Variants in MGST1 observed in about 807,000 individuals in gnomAD.
MGST1 encodes microsomal glutathione S-transferase 1.
A neutral mutation model predicts 8.9 loss-of-function variants in MGST1; 5 were observed. The observed-to-expected ratio is 0.56, with a 90% CI of 0.29 to 1.19. MGST1 has a LOEUF of 1.19. Among genes scored for constraint, MGST1 ranks in the 50% most tolerant of loss-of-function variants. The probability of loss-of-function intolerance (pLI) is 0.08; values close to 1 mark genes in which losing one functional copy is unlikely to be tolerated. For missense variants in MGST1, 182 were observed against 187.4 expected, an observed-to-expected ratio of 0.97 and a Z score of 0.17; for synonymous variants, 54 against 67.8, an observed-to-expected ratio of 0.80 and a Z score of 1.00.
chr12:16,521,866 G>T (rs1305724327), intron 4 of MGST1, among the ~76,000 whole-genome samples: 1 of 152,012 alleles, frequency 6.6e-6, no homozygotes, highest in East Asian at 1.9e-4. Flanking sequence ...TCCCTAACAA[G>T]GTGAGTGAAA....
chr12:16,404,408 GT>G (rs1940683315), intron 1 of MGST1, among the ~76,000 whole-genome samples: 4 of 151,866 alleles, frequency 2.6e-5, no homozygotes, highest in Non-Finnish European at 5.9e-5. Context: ...GTCTTTTACA[GT>G]GCATTTAGTT....
intron 1 of MGST1, among the ~76,000 whole-genome samples, chr12:16,384,823 T>C (rs1181209794): frequency 1.3e-5 from 2 of 152,210 alleles, no homozygotes; most frequent in East Asian, 1.9e-4. Flanking sequence ...TGACGTACTT[T>C]TGTACGCAGC....
At chr12:16,403,413 C>A (rs947159587) in intron 1 of MGST1, among the ~76,000 whole-genome samples, 2 of 151,834 alleles carry the variant, frequency 1.3e-5, no homozygotes, top group African/African-American at 4.8e-5. Context: ...TCTTTACTGA[C>A]CATTGTATAG....
At chr12:16,425,018 C>T (rs1176819500) in intron 1 of MGST1, among the ~76,000 whole-genome samples, 2 of 152,158 alleles carry the variant, frequency 1.3e-5, no homozygotes, top group Non-Finnish European at 2.9e-5. Context: ...ATGTGTTTTA[C>T]ACAACCATCT....
chr12:16,561,845 C>A lies in MGST1; in HGVS notation n.483-27683C>A, dbSNP rs573896792. 7.2e-5 allele frequency among the ~76,000 whole-genome samples: 11 copies of A among 152,228 alleles called. No individual in the cohort carries two copies. The South Asian group carries it at 2.1e-3, about 29-fold the overall frequency. On this transcript the variant is annotated intron_variant and non_coding_transcript_variant, in intron 4 of 4. Coordinates refer to the MGST1 transcript ENST00000538857. ...TGGATTGTCTCTTGAAGAGCATAAG[C>A]GCCTTGAAGGTAGAAACAATAAATG...
At chr12:16,355,841 T>C (rs1565434643) in intron 2 of MGST1, among the ~76,000 whole-genome samples, 2 of 152,128 alleles carry the variant, frequency 1.3e-5, no homozygotes, top group South Asian at 4.1e-4. Context: ...CTGAGTCCCT[T>C]TGGGCTGCTC....
In MGST1 at chr12:16,558,950, GT is replaced by G. The variant is rs1230027865; in HGVS notation, n.483-30577del. ...TGGGAATCAAATTCAGAGAGATTAA[GT>G]AACATACTCAAGATCACACAGCTAA... On this transcript the variant is annotated intron_variant and non_coding_transcript_variant, in intron 4 of 4. Coordinates refer to the MGST1 transcript ENST00000538857. Among the ~76,000 whole-genome samples the G allele has an allele frequency of 2.0e-4, 30 of 152,238 alleles. No individual in the cohort carries two copies. In the East Asian group the frequency reaches 4.4e-3, roughly 23 times the overall value.
intron 4 of MGST1, among the ~76,000 whole-genome samples, chr12:16,562,069 ATATT>A (rs1321167282): frequency 6.6e-6 from 1 of 152,196 alleles, no homozygotes; most frequent in Non-Finnish European, 1.5e-5. Flanking sequence ...TTGATAAATA[ATATT>A]TATTTAAAAA....
intron 4 of MGST1, among the ~76,000 whole-genome samples, chr12:16,575,060 T>A (rs1378780606): frequency 6.6e-6 from 1 of 152,174 alleles, no homozygotes; most frequent in Non-Finnish European, 1.5e-5. Flanking sequence ...TTTCGTTTGT[T>A]TATTTTTACC....
chr12:16,504,189 T>G (rs1006211383), intron 4 of MGST1, among the ~76,000 whole-genome samples: 2 of 146,396 alleles, frequency 1.4e-5, no homozygotes, highest in Non-Finnish European at 1.5e-5. Context: ...AAATAAACAC[T>G]ACAACCACAA....
At chr12:16,557,770 G>A (rs896313326) in intron 4 of MGST1, among the ~76,000 whole-genome samples, 23 of 151,948 alleles carry the variant, frequency 1.5e-4, no homozygotes, top group Admixed American at 9.2e-4. Flanking sequence ...AGGTATTAGT[G>A]TTTCTATTTT....
intron 4 of MGST1, among the ~76,000 whole-genome samples, chr12:16,541,624 C>A (rs920133079): frequency 6.6e-6 from 1 of 151,888 alleles, no homozygotes; most frequent in Admixed American, 6.6e-5. Flanking sequence ...TGGGATTATG[C>A]AAGATCAGAG....
chr12:16,444,183 G>GTTTTTTTTTTTT (rs1161206533), intron 4 of MGST1, among the ~76,000 whole-genome samples: 2 of 128,500 alleles, frequency 1.6e-5, no homozygotes, highest in African/African-American at 2.9e-5. Context: ...GGCTGATTTG[G>GTTTTTTTTTTTT]TTTTTTTTTT....
downstream of MGST1, among the ~76,000 whole-genome samples, chr12:16,381,578 T>A (rs1228119093): frequency 6.6e-6 from 1 of 152,200 alleles, no homozygotes; most frequent in Non-Finnish European, 1.5e-5. Context: ...TAACATTTTT[T>A]CCTTCATTTC....
chr12:16,467,040 C>G (rs1369373931), intron 4 of MGST1, among the ~76,000 whole-genome samples: 1 of 149,348 alleles, frequency 6.7e-6, no homozygotes, highest in African/African-American at 2.4e-5. Flanking sequence ...GGAAGCAGCA[C>G]AGACAGTGTT....
At chr12:16,383,462 T>G (rs897439270) in exon 1 of MGST1, 1 of 151,948 alleles carries the variant, frequency 6.6e-6, no homozygotes, top group African/African-American at 2.4e-5. Context: ...TTTCTTTTCT[T>G]TTTTCTTTTT....
intron 1 of MGST1, among the ~76,000 whole-genome samples, chr12:16,419,594 G>A (rs769949598): frequency 5.3e-5 from 8 of 152,150 alleles, no homozygotes; most frequent in Admixed American, 6.6e-5. Flanking sequence ...CTTCAAAGAG[G>A]TTATTCTCTA....
At chr12:16,565,623 C>G (rs1241461944) in intron 4 of MGST1, among the ~76,000 whole-genome samples, 1 of 152,012 alleles carries the variant, frequency 6.6e-6, no homozygotes, top group Non-Finnish European at 1.5e-5. Context: ...TTATTTTGAA[C>G]TGTGTTTCTA....
chr12:16,479,443 C>T (rs1941349692), intron 4 of MGST1, among the ~76,000 whole-genome samples: 2 of 151,344 alleles, frequency 1.3e-5, no homozygotes, highest in Non-Finnish European at 2.9e-5. Flanking sequence ...ACCGCATTAG[C>T]CAGGATGGTG....
Sources: gnomAD v4.1 joint callset for allele counts (sites outside exome capture counted in the v4.1 genomes callset) on GRCh38, gnomAD v4.1.1 for gene constraint, MANE v1.5 for transcripts, NCBI Gene and HGNC (gene_info 2026-07-23, HGNC 2026-07-21) for gene names.